SGCD: variants seen among roughly 807,000 people sequenced by gnomAD.
SGCD encodes sarcoglycan delta, also known as delta-sarcoglycan.
SGCD carries 18 observed loss-of-function variants against 36.6 expected under a neutral mutation model. The observed-to-expected ratio is 0.49, with a 90% confidence interval of 0.34 to 0.73. The LOEUF (loss-of-function observed/expected upper bound fraction) is 0.73, where lower values mean the gene tolerates loss of function less well. Among genes scored for constraint, SGCD ranks in the 30% least tolerant of loss-of-function variants. The probability of loss-of-function intolerance (pLI) is 0.01; values close to 1 mark genes in which losing one functional copy is unlikely to be tolerated. For missense variants in SGCD, 387 were observed against 346.7 expected, an observed-to-expected ratio of 1.12 and a Z score of -0.92; for synonymous variants, 133 against 130.6, an observed-to-expected ratio of 1.02 and a Z score of -0.12.
chr5:156,757,407 G>A (rs544959702), intron 7 of SGCD, among the ~76,000 whole-genome samples, 174 bp from the exon 8 acceptor site: 1 of 151,234 alleles, frequency 6.6e-6, no homozygotes, highest in African/African-American at 2.4e-5. Flanking sequence ...TGAAGATAAA[G>A]CCTAGACTTA....
chr5:156,210,265 C>T (rs571815674), intron 3 of SGCD, among the ~76,000 whole-genome samples: 121 of 152,166 alleles, frequency 8.0e-4, no homozygotes, highest in Admixed American at 1.8e-3. Flanking sequence ...ACAGGCCAAA[C>T]CAGATGTCCT....
intron 3 of SGCD, among the ~76,000 whole-genome samples, chr5:156,425,101 C>T (rs923533878): frequency 1.3e-5 from 2 of 152,068 alleles, no homozygotes; most frequent in Non-Finnish European, 2.9e-5. Flanking sequence ...CAGCGAAAGC[C>T]AACCTTATAA....
the SGCD span, among the ~76,000 whole-genome samples, chr5:155,753,047 A>T: frequency 2.0e-5 from 3 of 152,078 alleles, no homozygotes; most frequent in Admixed American, 6.5e-5. Context: ...TACAAGAAGA[A>T]ATGATCTCGG....
At chr5:155,982,983 G>A (rs1442804314) in intron 1 of SGCD, among the ~76,000 whole-genome samples, 1 of 152,100 alleles carries the variant, frequency 6.6e-6, no homozygotes, top group South Asian at 2.1e-4. Flanking sequence ...AGGATCCAGT[G>A]CTTTTTATTT....
At chr5:156,438,645 T>C (rs1215632961) in intron 3 of SGCD, among the ~76,000 whole-genome samples, 2 of 152,142 alleles carry the variant, frequency 1.3e-5, no homozygotes, top group African/African-American at 4.8e-5. Context: ...TTACAGTGTT[T>C]AGCGATTAAT....
the SGCD span, among the ~76,000 whole-genome samples, chr5:155,745,848 G>A: frequency 6.6e-6 from 1 of 152,172 alleles, no homozygotes; most frequent in Non-Finnish European, 1.5e-5. Context: ...AAAGTACAAA[G>A]TGTTGGAATG....
At position 156,271,197 on chromosome 5, in the gene SGCD, G is replaced by T. The variant is rs117448170; in HGVS notation, c.-43-58337G>T. On this transcript the variant is annotated intron_variant, in intron 3 of 9. Transcript: ENST00000517913. ...TAATTCTATTTCCAGGATATTTTTG[G>T]AGAATATCAAGGGTGGGAAGTTTAA... Among the ~76,000 whole-genome samples, 47 of 152,246 alleles carry T rather than the reference G, an allele frequency of 3.1e-4. No individual in the cohort carries two copies. The East Asian group carries it at 8.7e-3, about 28-fold the overall frequency.
chr5:156,708,535 G>A (rs746008055), intron 7 of SGCD, among the ~76,000 whole-genome samples: 3 of 152,146 alleles, frequency 2.0e-5, no homozygotes, highest in Non-Finnish European at 4.4e-5. Flanking sequence ...ATCTTCTGGA[G>A]CATCAGTCTT....
chr5:156,465,720 C>T (rs1754692901), intron 3 of SGCD, among the ~76,000 whole-genome samples: 1 of 152,202 alleles, frequency 6.6e-6, no homozygotes, highest in South Asian at 2.1e-4. Context: ...GGCTTACCTT[C>T]AGGCTCGTTC....
intron 3 of SGCD, among the ~76,000 whole-genome samples, chr5:156,269,459 G>T (rs1420904721): frequency 9.6e-6 from 1 of 103,686 alleles, no homozygotes; most frequent in Non-Finnish European, 1.8e-5. Context: ...GACAGAGTGA[G>T]ACTCCGTCTC....
intron 7 of SGCD, among the ~76,000 whole-genome samples, chr5:156,752,232 T>G (rs1456069720): frequency 6.6e-6 from 1 of 152,104 alleles, no homozygotes; most frequent in African/African-American, 2.4e-5. Context: ...GGATGCAAAT[T>G]TAGTCATAAA....
chr5:156,330,354 G>A (rs1351889229), intron 2 of SGCD, among the ~76,000 whole-genome samples: 1 of 152,192 alleles, frequency 6.6e-6, no homozygotes, highest in African/African-American at 2.4e-5. Flanking sequence ...GGGGTTGAGA[G>A]AGGGAGGAAA....
chr5:156,631,019 C>G (rs563043532), intron 6 of SGCD, among the ~76,000 whole-genome samples: 1 of 152,106 alleles, frequency 6.6e-6, no homozygotes, highest in Non-Finnish European at 1.5e-5. Context: ...CCTGCCCCAG[C>G]CAAGGAAGGG....
chr5:156,524,986 G>T (rs989475840), intron 4 of SGCD, among the ~76,000 whole-genome samples: 2 of 151,998 alleles, frequency 1.3e-5, no homozygotes, highest in African/African-American at 4.8e-5. Context: ...TGTCAGTTTA[G>T]ATTTAATTCA....
chr5:156,372,347 T>A (rs1033884366), intron 3 of SGCD, among the ~76,000 whole-genome samples: 1 of 152,214 alleles, frequency 6.6e-6, no homozygotes, highest in Non-Finnish European at 1.5e-5. Context: ...TTCACAGATA[T>A]GTGATGCAAT....
At chr5:155,781,744 T>C in the SGCD span, among the ~76,000 whole-genome samples, 1 of 152,158 alleles carries the variant, frequency 6.6e-6, no homozygotes, top group African/African-American at 2.4e-5. Context: ...GTGCTAGGAT[T>C]ATAGGCATGA....
intron 1 of SGCD, among the ~76,000 whole-genome samples, chr5:155,907,448 A>T (rs1338236808): frequency 6.6e-6 from 1 of 152,136 alleles, no homozygotes; most frequent in Non-Finnish European, 1.5e-5. Context: ...GATCGATCTG[A>T]GCAAAATAAA....
At chr5:155,918,494 C>G (rs1322499272) in intron 1 of SGCD, among the ~76,000 whole-genome samples, 1 of 152,126 alleles carries the variant, frequency 6.6e-6, no homozygotes, top group Admixed American at 6.5e-5. Context: ...ACCTAGGAGG[C>G]GGAGTTTGCA....
intron 2 of SGCD, among the ~76,000 whole-genome samples, chr5:156,330,900 A>G (rs973136834): frequency 5.3e-5 from 8 of 152,206 alleles, no homozygotes; most frequent in Non-Finnish European, 1.2e-4. Context: ...ATCATCTCCA[A>G]AATGTGTCCC....
Sources: allele counts gnomAD v4.1 joint callset (sites outside exome capture counted in the v4.1 genomes callset), GRCh38; gene constraint gnomAD v4.1.1; transcripts MANE v1.5; gene names NCBI Gene and HGNC (gene_info 2026-07-23, HGNC 2026-07-21).